The following PCDHA8 variants were observed in gnomAD, a reference collection of about 807,000 sequenced individuals.
The protein encoded by PCDHA8 is protocadherin alpha-8.
Under a neutral mutation model 61.8 loss-of-function variants are expected in PCDHA8, and 53 were observed. The observed-to-expected ratio is 0.86, with a 90% CI of 0.69 to 1.08. PCDHA8 has a LOEUF of 1.08. Ranked by LOEUF, PCDHA8 falls within the 50% of genes least tolerant of loss-of-function variation. The pLI is 0.00. For missense variants in PCDHA8, 1,293 were observed against 1,245.0 expected (o/e 1.04, Z -0.58); for synonymous variants, 618 against 556.6 (o/e 1.11, Z -1.55).
intron 1 of PCDHA8, among the ~76,000 whole-genome samples, chr5:140,879,372 G>T (rs1434937494): frequency 1.3e-5 from 2 of 152,172 alleles, no homozygotes; most frequent in African/African-American, 4.8e-5. Context: ...CCAACCTGCA[G>T]AACAAGGTTG....
chr5:140,869,240 G>A (rs1262436049), intron 1 of PCDHA8: 1 of 1,613,514 alleles, frequency 6.2e-7, no homozygotes, highest in African/African-American at 1.3e-5. Context: ...ACCTTCGTGG[G>A]CCGCATCGCG....
At chr5:140,941,299 TC>T (rs1554214293) in intron 1 of PCDHA8, among the ~76,000 whole-genome samples, 2 of 144,342 alleles carry the variant, frequency 1.4e-5, no homozygotes, top group African/African-American at 2.5e-5. Context: ...TTTCTTTCTT[TC>T]TTTCTTTTTC....
At chr5:140,889,231 T>G (rs1456128446) in intron 1 of PCDHA8, among the ~76,000 whole-genome samples, 2 of 151,912 alleles carry the variant, frequency 1.3e-5, no homozygotes, top group Non-Finnish European at 2.9e-5. Flanking sequence ...TTTGAAAACT[T>G]CCAGAAAATT....
intron 1 of PCDHA8, chr5:140,860,808 G>GCTCA (rs2153220670): frequency 6.6e-6 from 1 of 152,328 alleles, no homozygotes. Context: ...CACGATCTCG[G>GCTCA]CTCACTGCAA....
At chr5:140,876,753 G>A in intron 1 of PCDHA8, 2 of 1,614,246 alleles carry the variant, frequency 1.2e-6, no homozygotes, top group Non-Finnish European at 1.7e-6. Flanking sequence ...TGGTGACTGC[G>A]CGGGATGGGG....
chr5:140,850,754 G>A lies in PCDHA8; in HGVS notation c.2394+7039G>A, dbSNP rs2150497154. 7 of 1,598,000 alleles carry A rather than the reference G, an allele frequency of 4.4e-6. 1 individual carries two copies. In the African/African-American group the frequency reaches 6.7e-5, roughly 15 times the overall value. On this transcript the variant is annotated intron_variant, in intron 1 of 3. Transcript: ENST00000531613. ...TGGGGAGTTGGTCGTACTCGCAGCA[G>A]AGGAGGCAGAGGGTGTGCTCTGGCG...
At chr5:140,877,259 C>G in intron 1 of PCDHA8, 1 of 1,613,752 alleles carries the variant, frequency 6.2e-7, no homozygotes, top group Non-Finnish European at 8.5e-7. Flanking sequence ...AAAGTGCGCG[C>G]GGTGGACGCT....
At chr5:140,871,552 AGT>A in intron 1 of PCDHA8, 1 of 1,493,376 alleles carries the variant, frequency 6.7e-7, no homozygotes, top group Non-Finnish European at 8.9e-7. Context: ...TTTAAAATCC[AGT>A]TTTTTTTCAC....
At chr5:140,922,858 G>C (rs1363202579) in intron 1 of PCDHA8, among the ~76,000 whole-genome samples, 1 of 152,124 alleles carries the variant, frequency 6.6e-6, no homozygotes, top group Non-Finnish European at 1.5e-5. Flanking sequence ...CAAATACATA[G>C]ACAAGGGGAA....
chr5:140,985,899 C>T (rs1303947192), intron 3 of PCDHA8, among the ~76,000 whole-genome samples: 2 of 152,020 alleles, frequency 1.3e-5, no homozygotes, highest in African/African-American at 4.8e-5. Flanking sequence ...GCCACCACTC[C>T]CGTCTAATTT....
intron 1 of PCDHA8, among the ~76,000 whole-genome samples, chr5:140,885,128 T>A (rs2060480813): frequency 6.6e-6 from 1 of 152,222 alleles, no homozygotes; most frequent in Non-Finnish European, 1.5e-5. Context: ...CTTTTCTTTC[T>A]TTCTTTTTTT....
At chr5:140,906,713 G>A (rs1554192665) in intron 1 of PCDHA8, among the ~76,000 whole-genome samples, 1 of 152,160 alleles carries the variant, frequency 6.6e-6, no homozygotes, top group Non-Finnish European at 1.5e-5. Flanking sequence ...AGTCCTGCCT[G>A]GATTGTGCTG....
rs2150387302 is a variant in PCDHA8 at position 140,846,348 on chromosome 5, C to T, written c.2394+2633C>T. ...TAAATAGCCTTTTAAAGTGCTTTCT[C>T]TTTTTTCTTTTCTTTTCTTTCTTTC... is the stretch of plus-strand genomic sequence containing the variant. On this transcript the variant is annotated intron_variant, in intron 1 of 3. Transcript: ENST00000531613. 5.0e-5 allele frequency among the ~76,000 whole-genome samples: 7 copies of T among 138,736 alleles called. 1 individual carries two copies. Among genetic ancestry groups the T allele is most frequent in the East Asian group, 2.0e-4 (1 of 4,968 alleles). The allele number at this position is 138,736 out of a possible 152,430, so 91.0% of individuals were successfully genotyped here.
chr5:140,899,962 C>G (rs1562916347), intron 1 of PCDHA8, among the ~76,000 whole-genome samples: 1 of 152,064 alleles, frequency 6.6e-6, no homozygotes, highest in African/African-American at 2.4e-5. Flanking sequence ...CATGTGCTGC[C>G]ATGCCCAGCT....
intron 3 of PCDHA8, among the ~76,000 whole-genome samples, chr5:140,990,685 C>T (rs1451672615): frequency 2.6e-5 from 4 of 152,252 alleles, no homozygotes; most frequent in South Asian, 4.1e-4. Context: ...AAGCTGCTTT[C>T]GGAGAGTCCA....
At chr5:140,863,304 C>T in intron 1 of PCDHA8, 1 of 1,463,904 alleles carries the variant, frequency 6.8e-7, no homozygotes, top group Non-Finnish European at 9.3e-7. Context: ...TCATCGCCAT[C>T]TGCGTGGTGT....
At chr5:140,875,450 C>T (rs199938092) in intron 1 of PCDHA8, 2 of 1,590,620 alleles carry the variant, frequency 1.3e-6, no homozygotes, top group African/African-American at 1.3e-5. Flanking sequence ...ATTGTCCCAA[C>T]TCAGAGGCCC....
chr5:140,872,606 A>T (rs905903091), intron 1 of PCDHA8, among the ~76,000 whole-genome samples: 4 of 151,888 alleles, frequency 2.6e-5, no homozygotes, highest in Non-Finnish European at 4.4e-5. Context: ...TGAAAAAATA[A>T]TTTTTTTTGC....
At position 140,842,810 on chromosome 5, in the gene PCDHA8, C is replaced by A. The variant is rs1346749991; in HGVS notation, c.1489C>A (p.Arg497=). The A allele has an allele frequency of 1.9e-6, 3 of 1,594,008 alleles. 1 individual carries two copies. Among genetic ancestry groups the A allele is most frequent in the Non-Finnish European group, 2.6e-6 (3 of 1,165,400 alleles). ...GCTGGTGTCCTACTCGCTTGTGGAG[C>A]GGCGGGTGGGCGAGCGCTCGCTGTC... ...NALVSYSLVE[R]RVGERSLSSY... is the part of the protein sequence containing the mutation. Residue 497 remains arginine, a synonymous_variant, in exon 1 of 4, where the codon CGG becomes AGG. Transcript: ENST00000531613.
Sources: allele counts gnomAD v4.1 joint callset (sites outside exome capture counted in the v4.1 genomes callset), GRCh38; gene constraint gnomAD v4.1.1; transcripts MANE v1.5; gene names NCBI Gene and HGNC (gene_info 2026-07-23, HGNC 2026-07-21).